Variants in CCDC77 observed in about 807,000 individuals in gnomAD.
The protein encoded by CCDC77 is coiled-coil domain-containing protein 77.
CCDC77 carries 56 observed loss-of-function variants against 66.8 expected under a neutral mutation model. The ratio of observed to expected loss-of-function variants is 0.84; its 90% CI spans 0.68 to 1.05. The LOEUF (loss-of-function observed/expected upper bound fraction) is 1.05. Ranked by LOEUF, CCDC77 falls within the 50% of genes least tolerant of loss-of-function variation. The pLI is 0.00. For synonymous variants in CCDC77, 196 were observed against 195.2 expected (o/e 1.00, Z -0.03); for missense variants, 570 against 576.8 (o/e 0.99, Z 0.12).
At chr12:418,296 G>C (rs1945324443) in intron 4 of CCDC77, among the ~76,000 whole-genome samples, 198 bp from the exon 5 acceptor site, 1 of 152,204 alleles carries the variant, frequency 6.6e-6, no homozygotes, top group African/African-American at 2.4e-5. Context: ...CTGGGCAACA[G>C]AGCAAGACTT....
intron 5 of CCDC77, among the ~76,000 whole-genome samples, chr12:423,390 T>C (rs1239447864): frequency 6.8e-6 from 1 of 147,580 alleles, no homozygotes; most frequent in African/African-American, 2.5e-5. Context: ...TCCTCCTGCC[T>C]CAGCCTCCCA....
intron 5 of CCDC77, among the ~76,000 whole-genome samples, chr12:422,969 T>C (rs753348864): frequency 1.6e-4 from 25 of 152,122 alleles, no homozygotes; most frequent in Non-Finnish European, 3.5e-4. Flanking sequence ...CACATTGTAA[T>C]TCTGTTTTTA....
chr12:393,434 T>A (rs889524640), intron 1 of CCDC77, among the ~76,000 whole-genome samples: 1 of 151,966 alleles, frequency 6.6e-6, no homozygotes, highest in African/African-American at 2.4e-5. Context: ...TTTAATAACC[T>A]TCTCAGATGA....
rs968951291 is a variant in CCDC77, at chr12:441,942, C to G, written c.*22C>G. 1.2e-6 allele frequency: 2 copies of G among 1,612,738 alleles called. No homozygotes were observed. The highest frequency in any genetic ancestry group is 1.3e-5 in the African/African-American group (1 of 74,836). On this transcript the variant is annotated 3_prime_UTR_variant, in exon 13 of 13. Coordinates refer to ENST00000239830, the MANE Select transcript of CCDC77 (RefSeq NM_032358.4). The stretch of plus-strand genomic sequence containing the variant: ...TTAATGTCTACTTTTGGAAATGGCC[C>G]CCATTTAGAAGAGGTGTGCTTCTTG...
chr12:403,114 T>C (rs982792898), intron 1 of CCDC77, among the ~76,000 whole-genome samples: 5 of 152,270 alleles, frequency 3.3e-5, no homozygotes, highest in Non-Finnish European at 7.3e-5. Flanking sequence ...AGATGTCGTT[T>C]ATTTATTCAA....
intron 2 of CCDC77, among the ~76,000 whole-genome samples, chr12:408,004 G>T (rs900492483): frequency 2.0e-5 from 3 of 151,904 alleles, no homozygotes; most frequent in African/African-American, 7.3e-5. Context: ...AGCCAGGATG[G>T]TCTCAATCTC....
rs146746621 is a variant in CCDC77, at chr12:425,506, C to T, written c.414-3263C>T. On this transcript the variant is annotated intron_variant, in intron 5 of 12. Transcript: ENST00000239830. ...ACTCTGGGCCACACCGAAAGCTCGC[C>T]TTCCATGTCAGTTGATACATAGGTC... 6.7e-3 allele frequency among the ~76,000 whole-genome samples: 1,018 copies of T among 152,074 alleles called. 6 individuals are homozygous for T. Among genetic ancestry groups the T allele is most frequent in the Middle Eastern group, 0.027 (8 of 294 alleles).
At chr12:432,070 A>G in intron 8 of CCDC77, 116 bp downstream of exon 8, 1 of 606,874 alleles carries the variant, frequency 1.6e-6, no homozygotes. Flanking sequence ...ACATCTAAGC[A>G]TCATGTGGTT....
Position 416,391 on chromosome 12 carries a change from A to ATGTG in CCDC77, c.271-2102_271-2101insGTGT, listed in dbSNP as rs1565569258. Among the ~76,000 whole-genome samples the ATGTG allele has an allele frequency of 8.5e-5, 4 of 47,176 alleles. 1 individual carries two copies. The highest frequency in any genetic ancestry group is 8.2e-5 in the African/African-American group (1 of 12,170). The allele number at this position is 47,176 out of a possible 152,430, so 30.9% of individuals were successfully genotyped here. ...TGTGTGTGTGTGTATATATATATAT[A>ATGTG]TATATATATATATATATATATATAT... On this transcript the variant is annotated intron_variant, in intron 4 of 12. Transcript: ENST00000239830.
rs1196811521 is a variant in CCDC77, at chr12:433,245, G to A, written c.744G>A (p.Glu248=). 5 of 1,613,896 alleles carry A rather than the reference G, an allele frequency of 3.1e-6. No homozygotes were observed. The South Asian group carries it at 3.3e-5, about 11-fold the overall frequency. The change falls in exon 9 of 13, where the codon GAG becomes GAA. Residue 248 remains glutamate, a synonymous_variant. Transcript: ENST00000239830. ...GAGAACAAATTGAAGGGCTCATCGA[G>A]GACAGACGGATTCACCTTGAGGAAA... ...LSREQIEGLI[E]DRRIHLEEIQ...
chr12:441,187 T>C (rs1220229476), intron 12 of CCDC77, among the ~76,000 whole-genome samples, 191 bp downstream of exon 12: 1 of 152,206 alleles, frequency 6.6e-6, no homozygotes, highest in African/African-American at 2.4e-5. Flanking sequence ...CCTGAAATCA[T>C]TGAACGACTG....
exon 1 of CCDC77, chr12:389,485 T>C (rs1425237881): frequency 7.9e-6 from 3 of 379,020 alleles, no homozygotes; most frequent in Admixed American, 4.3e-5. Flanking sequence ...AGCTCGCCCT[T>C]GGTAAGGGGT....
rs763812250 is a variant in CCDC77 at position 428,674 on chromosome 12, T to TA, written c.414-95_414-94insA. 6,624 of 691,422 alleles carry TA rather than the reference T, an allele frequency of 9.6e-3. 51 individuals are homozygous for TA. The highest frequency in any genetic ancestry group is 0.011 in the Non-Finnish European group (5,248 of 457,242). The allele number at this position is 691,422 out of a possible 1,614,324, so 42.8% of individuals were successfully genotyped here. ...GTTTTAATTTGGGGTTACAATTGTTTTAAAAAAAAAATAGAAGGGAGATCC... is the reference window on the plus strand; with the variant it reads ...GTTTTAATTTGGGGTTACAATTGTTTATAAAAAAAAAATAGAAGGGAGATCC... On this transcript the variant is annotated intron_variant, in intron 5 of 12. Transcript: ENST00000239830.
chr12:398,773 T>A (rs1009171620), upstream of CCDC77, among the ~76,000 whole-genome samples: 1 of 151,730 alleles, frequency 6.6e-6, no homozygotes, highest in Non-Finnish European at 1.5e-5. Context: ...TACTTTTTTT[T>A]TTTTGAGACA....
intron 1 of CCDC77, among the ~76,000 whole-genome samples, chr12:403,720 G>A (rs1944939933): frequency 6.6e-6 from 1 of 152,178 alleles, no homozygotes; most frequent in South Asian, 2.1e-4. Context: ...TCAAACTCCT[G>A]ACCTCCAGCA....
At chr12:400,215 G>T (rs928907979), upstream of CCDC77, among the ~76,000 whole-genome samples, 5 of 152,190 alleles carry the variant, frequency 3.3e-5, no homozygotes, top group Admixed American at 6.5e-5. Flanking sequence ...TTAGGACTTT[G>T]CTCCAGATTA....
upstream of CCDC77, among the ~76,000 whole-genome samples, chr12:398,708 C>T (rs1341115659): frequency 1.3e-5 from 2 of 151,448 alleles, no homozygotes; most frequent in Non-Finnish European, 2.9e-5. Context: ...TGATATTGAC[C>T]TCCTCCCATA....
At chr12:425,518 T>A (rs561111543) in intron 5 of CCDC77, among the ~76,000 whole-genome samples, 1 of 152,118 alleles carries the variant, frequency 6.6e-6, no homozygotes, top group South Asian at 2.1e-4. Context: ...TCCATGTCAG[T>A]TGATACATAG....
chr12:428,997 T>G (rs947511070), intron 6 of CCDC77, 132 bp downstream of exon 6: 3 of 557,278 alleles, frequency 5.4e-6, no homozygotes, highest in Admixed American at 6.1e-5. Flanking sequence ...CTTGTTTGCC[T>G]GAGTTTTTAA....
Sources: gnomAD v4.1 joint callset for allele counts (sites outside exome capture counted in the v4.1 genomes callset) on GRCh38, gnomAD v4.1.1 for gene constraint, MANE v1.5 for transcripts, NCBI Gene and HGNC (gene_info 2026-07-23, HGNC 2026-07-21) for gene names.